Variants in MTDH observed in about 807,000 individuals in gnomAD.
The protein encoded by MTDH is metadherin, also known as protein LYRIC.
A neutral mutation model predicts 72.7 loss-of-function variants in MTDH; 34 were observed. That is an observed-to-expected ratio of 0.47 (90% CI 0.36 to 0.62). The LOEUF (loss-of-function observed/expected upper bound fraction) is 0.62. MTDH is among the 20% of genes least tolerant of loss of function. The pLI, the probability that MTDH is intolerant of heterozygous loss-of-function variation, is 0.00. For missense variants in MTDH, 677 were observed against 699.4 expected (o/e 0.97, Z 0.36); for synonymous variants, 266 against 268.9 (o/e 0.99, Z 0.10).
chr8:97,691,814 A>G (rs895730358), intron 6 of MTDH, among the ~76,000 whole-genome samples: 1 of 151,964 alleles, frequency 6.6e-6, no homozygotes, highest in Non-Finnish European at 1.5e-5. Context: ...GCTGTTATTT[A>G]TATTTCTTCT....
intron 2 of MTDH, among the ~76,000 whole-genome samples, chr8:97,668,595 C>A (rs555962720): frequency 3.9e-5 from 6 of 152,094 alleles, no homozygotes; most frequent in African/African-American, 1.2e-4. Context: ...GCTCTTGTCA[C>A]CCAGGCTGGA....
At chr8:97,659,499 A>C (rs1349942954) in intron 1 of MTDH, among the ~76,000 whole-genome samples, 1 of 152,242 alleles carries the variant, frequency 6.6e-6, no homozygotes, top group Non-Finnish European at 1.5e-5. Context: ...TTTCTGCCAC[A>C]GATCTTTGTA....
rs116535056 is a variant in MTDH at position 97,666,689 on chromosome 8, T to A, written c.483+5516T>A. On this transcript the variant is annotated intron_variant, in intron 2 of 11. Coordinates refer to ENST00000336273, the MANE Select transcript of MTDH (RefSeq NM_178812.4). Reference sequence around the variant, plus strand: ...CAAGGCAGTGGAACCAAACTTCCACTCATTATATTCTTGTTTTGTTTTGTT... The same window carrying A: ...CAAGGCAGTGGAACCAAACTTCCACACATTATATTCTTGTTTTGTTTTGTT... 5.3e-3 allele frequency among the ~76,000 whole-genome samples: 810 copies of A among 152,256 alleles called. 4 individuals carry two copies. The highest frequency in any genetic ancestry group is 0.017 in the African/African-American group (716 of 41,558).
At chr8:97,676,609 C>T (rs987072217) in intron 2 of MTDH, among the ~76,000 whole-genome samples, 2 of 152,142 alleles carry the variant, frequency 1.3e-5, no homozygotes, top group Non-Finnish European at 2.9e-5. Flanking sequence ...TGGCTGACGC[C>T]TGCAATCCCA....
chr8:97,715,878 T>C lies in MTDH; in HGVS notation c.1380+2109T>C, dbSNP rs532961058. 3.3e-5 allele frequency among the ~76,000 whole-genome samples: 5 copies of C among 152,356 alleles called. No homozygotes were observed. In the East Asian group the frequency reaches 9.6e-4, roughly 29 times the overall value. On this transcript the variant is annotated intron_variant, in intron 9 of 11. Coordinates refer to ENST00000336273, the MANE Select transcript of MTDH (RefSeq NM_178812.4). ...CAAAGGTCATTAACATGTGACTGTT[T>C]CTTTGGCATTCTGATTATCCTTTTA...
At position 97,644,802 on chromosome 8, in the gene MTDH, C is replaced by A; in HGVS notation, c.296C>A (p.Ala99Asp). ...REEAAAVPAA[A>D]PDDLALLKNL... ...GAGGCGGCGGCCGTGCCGGCCGCGG[C>A]CCCCGACGACCTGGCCTTGCTGAAG... is the stretch of plus-strand genomic sequence containing the variant. Residue 99 changes from alanine to aspartate, a missense_variant, in exon 1 of 12, where the codon GCC (alanine) becomes GAC (aspartate). Ala to Asp is a moderately radical substitution (Grantham distance 126, BLOSUM62 -2). Around this residue, in one of 3 missense-constraint regions of MTDH, gnomAD observed 467 missense variants for 469.1 expected, o/e 1.00. Coordinates refer to ENST00000336273, the MANE Select transcript of MTDH (RefSeq NM_178812.4). 1 of 1,557,852 alleles carries A rather than the reference C, an allele frequency of 6.4e-7. No individual in the cohort carries two copies.
intron 1 of MTDH, among the ~76,000 whole-genome samples, chr8:97,660,843 A>G (rs1239007994): frequency 6.6e-6 from 1 of 152,024 alleles, no homozygotes; most frequent in Non-Finnish European, 1.5e-5. Context: ...TACCTTGGTG[A>G]GATAAGAAAA....
intron 8 of MTDH, among the ~76,000 whole-genome samples, chr8:97,710,759 G>A (rs1034259990): frequency 2.6e-5 from 4 of 151,626 alleles, no homozygotes; most frequent in African/African-American, 9.7e-5. Context: ...CAGCACTTTG[G>A]GAGGCCGAGG....
intron 9 of MTDH, among the ~76,000 whole-genome samples, chr8:97,714,904 C>A (rs1814797954): frequency 6.6e-6 from 1 of 151,438 alleles, no homozygotes; most frequent in Non-Finnish European, 1.5e-5. Context: ...CAGCTCATTG[C>A]AGCCTCTGCC....
intron 2 of MTDH, among the ~76,000 whole-genome samples, chr8:97,682,247 TATATATATATA>T (rs1813132227): frequency 1.5e-4 from 1 of 6,764 alleles, no homozygotes; most frequent in Non-Finnish European, 3.2e-4. Flanking sequence ...TATATATATA[TATATATATATA>T]TATATATATA....
chr8:97,690,133 A>G (rs543777188), intron 5 of MTDH, among the ~76,000 whole-genome samples: 3 of 151,814 alleles, frequency 2.0e-5, no homozygotes, highest in South Asian at 4.2e-4. Flanking sequence ...CTGGGATTAC[A>G]GGCACTTGCA....
chr8:97,686,790 A>G, intron 3 of MTDH, 38 bp downstream of exon 3: 2 of 1,422,060 alleles, frequency 1.4e-6, no homozygotes, highest in Non-Finnish European at 1.9e-6. Flanking sequence ...AAAATTTTTT[A>G]ATCCTTTTTT....
At chr8:97,673,427 G>T (rs1241639675) in intron 2 of MTDH, among the ~76,000 whole-genome samples, 2 of 152,198 alleles carry the variant, frequency 1.3e-5, no homozygotes, top group Non-Finnish European at 2.9e-5. Flanking sequence ...GGGAGGCCAA[G>T]GTGGGTGGAT....
In MTDH at chr8:97,689,033, AC is replaced by A; in HGVS notation, c.746-3del. On this transcript the variant is annotated splice_region_variant and splice_polypyrimidine_tract_variant and intron_variant, in intron 4 of 11. Coordinates refer to ENST00000336273, the MANE Select transcript of MTDH (RefSeq NM_178812.4). The stretch of plus-strand genomic sequence containing the variant: ...TTAAATAAATTTTATTTCTATTTTA[AC>A]CAGGTGATTCTCATCTAAATGTTCA... The A allele has an allele frequency of 1.3e-6, 2 of 1,508,958 alleles. No individual in the cohort carries two copies. Among genetic ancestry groups the A allele is most frequent in the Non-Finnish European group, 1.8e-6 (2 of 1,097,648 alleles). 93.5% of individuals were successfully genotyped at this position (1,508,958 alleles called of 1,614,324 possible).
Position 97,691,311 on chromosome 8 carries a change from G to A in MTDH, c.1048+123G>A, listed in dbSNP as rs1048506443. 1.6e-4 allele frequency: 103 copies of A among 659,198 alleles called. 1 individual carries two copies. The highest frequency in any genetic ancestry group is 3.2e-5 in the Non-Finnish European group (13 of 409,192). 40.8% of individuals were successfully genotyped at this position (659,198 alleles called of 1,614,324 possible). A position where few individuals can be genotyped will look rare whatever the true frequency, so the allele number is the denominator to read the frequency against. On this transcript the variant is annotated intron_variant, in intron 6 of 11. Coordinates refer to ENST00000336273, the MANE Select transcript of MTDH (RefSeq NM_178812.4). ...TAAGTACTGCTCTGCAGAAATAATA[G>A]TAATAATTAACTCATCTCACATCCT...
At chr8:97,663,147 T>TA (rs1284464442) in intron 2 of MTDH, among the ~76,000 whole-genome samples, 1 of 152,102 alleles carries the variant, frequency 6.6e-6, no homozygotes, top group East Asian at 1.9e-4. Flanking sequence ...AATGTATACT[T>TA]ACTCCTGCTT....
At chr8:97,665,201 A>G (rs1415480791) in intron 2 of MTDH, among the ~76,000 whole-genome samples, 4 of 152,216 alleles carry the variant, frequency 2.6e-5, no homozygotes, top group Non-Finnish European at 4.4e-5. Flanking sequence ...TGTACTCCTA[A>G]GCTGTGATAT....
chr8:97,702,381 G>T (rs1425835251), intron 7 of MTDH, among the ~76,000 whole-genome samples: 1 of 152,156 alleles, frequency 6.6e-6, no homozygotes, highest in Non-Finnish European at 1.5e-5. Context: ...CAGGTTACAT[G>T]ATTATTCTAT....
In MTDH at chr8:97,644,415, A is replaced by T; in HGVS notation, c.-92A>T. ...GCCGCGATGCGCTCGGCCTGAGGTT[A>T]CCCGGCCCGGCCCTTCCTCGCTTCC... On this transcript the variant is annotated 5_prime_UTR_variant, in exon 1 of 12. Transcript: ENST00000336273. The T allele has an allele frequency of 6.8e-7, 1 of 1,465,766 alleles. No individual in the cohort carries two copies. Among genetic ancestry groups the T allele is most frequent in the South Asian group, 1.3e-5 (1 of 78,136 alleles). The allele number at this position is 1,465,766 out of a possible 1,614,324, so 90.8% of individuals were successfully genotyped here.
Sources: gnomAD v4.1 joint callset for allele counts (sites outside exome capture counted in the v4.1 genomes callset) on GRCh38, gnomAD v4.1.1 for gene constraint, gnomAD v4.1.1 regional missense constraint, MANE v1.5 for transcripts, NCBI Gene and HGNC (gene_info 2026-07-23, HGNC 2026-07-21) for gene names.